The following OLFM3 variants were observed in gnomAD, a reference collection of about 807,000 sequenced individuals.
OLFM3 encodes olfactomedin 3, also known as noelin-3.
A neutral mutation model predicts 48.6 loss-of-function variants in OLFM3; 20 were observed. That is an observed-to-expected ratio of 0.41 (90% confidence interval 0.29 to 0.60). The LOEUF (loss-of-function observed/expected upper bound fraction) is 0.60. Ranked by LOEUF, OLFM3 falls within the 20% of genes least tolerant of loss-of-function variation. OLFM3 has a pLI of 0.28. For missense variants in OLFM3, 437 were observed against 544.3 expected (o/e 0.80, Z 1.96); for synonymous variants, 222 against 198.1 (o/e 1.12, Z -1.01).
intron 1 of OLFM3, among the ~76,000 whole-genome samples, chr1:101,953,198 A>C (rs1019734012): frequency 6.6e-6 from 1 of 152,152 alleles, no homozygotes; most frequent in African/African-American, 2.4e-5. Context: ...TATTGTGACT[A>C]CTAGAATATG....
rs905525822 is a variant in OLFM3 at position 101,837,682 on chromosome 1, G to T, written c.70-657C>A. On this transcript the variant is annotated intron_variant, in intron 1 of 5. Coordinates refer to ENST00000370103, the MANE Select transcript of OLFM3 (RefSeq NM_058170.4). ...TACCTTCTTAGAACTCAAGTGTGAA[G>T]GGGTGGTATTCCAGTTCTACTGTAG... 2.6e-5 allele frequency: 4 copies of T among 152,196 alleles called. No homozygotes were observed. The East Asian group carries it at 7.7e-4, about 29-fold the overall frequency. 9.4% of individuals were successfully genotyped at this position (152,196 alleles called of 1,614,324 possible). A position where few individuals can be genotyped will look rare whatever the true frequency, so the allele number is the denominator to read the frequency against.
intron 1 of OLFM3, among the ~76,000 whole-genome samples, chr1:101,918,749 C>CCT: frequency 6.6e-6 from 1 of 152,182 alleles, no homozygotes; most frequent in South Asian, 2.1e-4. Context: ...TTAGAGGTGG[C>CCT]ATTCTTCTGC....
intron 1 of OLFM3, among the ~76,000 whole-genome samples, chr1:101,950,411 T>A (rs1181955767): frequency 1.3e-5 from 2 of 151,876 alleles, no homozygotes; most frequent in African/African-American, 4.8e-5. Flanking sequence ...ACCACACCCA[T>A]ATTACTAGTA....
intron 1 of OLFM3, among the ~76,000 whole-genome samples, chr1:101,861,669 T>C (rs1656662778): frequency 6.6e-6 from 1 of 152,230 alleles, no homozygotes; most frequent in Non-Finnish European, 1.5e-5. Flanking sequence ...TTTTGAAGCT[T>C]CAACATTCTC....
rs949837118 is a variant in OLFM3, at chr1:101,948,867, T to G, written c.69+47881A>C. ...TATGTATTTTTATATATTATATATT[T>G]ATATATTTTTTATTGTTATAGATAT... On this transcript the variant is annotated intron_variant, in intron 1 of 5. Coordinates refer to ENST00000370103, the MANE Select transcript of OLFM3 (RefSeq NM_058170.4). Among the ~76,000 whole-genome samples, 6 of 147,730 alleles carry G rather than the reference T, an allele frequency of 4.1e-5. 1 individual carries two copies. The highest frequency in any genetic ancestry group is 1.5e-4 in the African/African-American group (6 of 40,940).
chr1:101,952,877 G>T (rs1660185427), intron 1 of OLFM3, among the ~76,000 whole-genome samples: 1 of 152,064 alleles, frequency 6.6e-6, no homozygotes, highest in African/African-American at 2.4e-5. Context: ...CTACTCTCAT[G>T]ATCTCATTCA....
chr1:101,947,100 T>C (rs1659986410), intron 1 of OLFM3, among the ~76,000 whole-genome samples: 1 of 152,232 alleles, frequency 6.6e-6, no homozygotes, highest in South Asian at 2.1e-4. Flanking sequence ...TTATTTGCTA[T>C]ACTTTCCTAA....
Position 101,918,698 on chromosome 1 carries a change from A to T in OLFM3, c.69+78050T>A, listed in dbSNP as rs545229784. Among the ~76,000 whole-genome samples the T allele has an allele frequency of 2.0e-5, 3 of 152,136 alleles. No individual in the cohort carries two copies. The East Asian group carries it at 5.8e-4, about 29-fold the overall frequency. ...TTTTTTTGTCCATGTAAAATAACAT[A>T]TTCACGGGTTCTGGGGATTTGAATG... On this transcript the variant is annotated intron_variant, in intron 1 of 5. Coordinates refer to ENST00000370103, the MANE Select transcript of OLFM3 (RefSeq NM_058170.4).
chr1:101,944,867 G>A (rs997187892), intron 1 of OLFM3, among the ~76,000 whole-genome samples: 12 of 118,666 alleles, frequency 1.0e-4, no homozygotes, highest in African/African-American at 3.8e-4. Context: ...GCGACAGAGT[G>A]AGACTCCACC....
At chr1:101,813,429 A>G (rs189167172) in intron 4 of OLFM3, among the ~76,000 whole-genome samples, 1 of 152,302 alleles carries the variant, frequency 6.6e-6, no homozygotes, top group Admixed American at 6.5e-5. Context: ...TTCCATGTTT[A>G]GTGTTTATAA....
intron 1 of OLFM3, among the ~76,000 whole-genome samples, chr1:101,977,889 G>C (rs968029838): frequency 2.0e-5 from 3 of 152,106 alleles, no homozygotes; most frequent in East Asian, 1.9e-4. Context: ...GGAACAGGTA[G>C]AGAGTTTATG....
intron 1 of OLFM3, among the ~76,000 whole-genome samples, chr1:101,934,279 GC>G (rs1017013476): frequency 2.8e-4 from 43 of 152,176 alleles, no homozygotes; most frequent in African/African-American, 1.0e-3. Flanking sequence ...AATCTACAAA[GC>G]TAATTAAAAA....
In OLFM3 at chr1:101,803,888, T is replaced by TA. The variant is rs928084814; in HGVS notation, c.*349dup. On this transcript the variant is annotated 3_prime_UTR_variant, in exon 6 of 6. Transcript: ENST00000370103. ...AAAAGACAGTAAAAAATGACAGTTTTAAAAAAAAAGACATTCGTGCATTTA... is the reference window on the plus strand; with the variant it reads ...AAAAGACAGTAAAAAATGACAGTTTTAAAAAAAAAAGACATTCGTGCATTTA... The TA allele has an allele frequency of 1.7e-4, 28 of 160,090 alleles. No individual in the cohort carries two copies. In the East Asian group the frequency reaches 2.3e-3, roughly 13 times the overall value. The allele number at this position is 160,090 out of a possible 1,614,324, so 9.9% of individuals were successfully genotyped here. A position where few individuals can be genotyped will look rare whatever the true frequency, so the allele number is the denominator to read the frequency against.
chr1:101,939,847 T>C (rs542775827), intron 1 of OLFM3, among the ~76,000 whole-genome samples: 2 of 152,296 alleles, frequency 1.3e-5, no homozygotes, highest in East Asian at 3.9e-4. Flanking sequence ...TTACATTGTT[T>C]TTAGGGTATT....
At chr1:101,815,482 G>A (rs566807384) in intron 4 of OLFM3, among the ~76,000 whole-genome samples, 1 of 151,116 alleles carries the variant, frequency 6.6e-6, no homozygotes, top group South Asian at 2.1e-4. Context: ...TTATCAGGCT[G>A]ATTTAGGTGA....
At chr1:101,817,217 A>T (rs985330319) in intron 4 of OLFM3, among the ~76,000 whole-genome samples, 1 of 152,106 alleles carries the variant, frequency 6.6e-6, no homozygotes, top group African/African-American at 2.4e-5. Context: ...AGAGAGGATA[A>T]TTTTCCCAAA....
At chr1:101,821,774 C>A (rs142286604) in intron 4 of OLFM3, among the ~76,000 whole-genome samples, 1 of 151,938 alleles carries the variant, frequency 6.6e-6, no homozygotes, top group Non-Finnish European at 1.5e-5. Flanking sequence ...AAAGTCATCT[C>A]GATTAACTTA....
intron 1 of OLFM3, among the ~76,000 whole-genome samples, chr1:101,987,265 C>T (rs1321599870): frequency 1.3e-5 from 2 of 152,166 alleles, no homozygotes; most frequent in African/African-American, 2.4e-5. Context: ...ATCTCTTCAG[C>T]GTAAGCTTCG....
intron 2 of OLFM3, among the ~76,000 whole-genome samples, chr1:101,834,203 C>A (rs1655294784): frequency 6.6e-6 from 1 of 152,112 alleles, no homozygotes; most frequent in Admixed American, 6.5e-5. Context: ...TGAGAAAATG[C>A]AAACGGATCT....
Sources: gnomAD v4.1 joint callset for allele counts (sites outside exome capture counted in the v4.1 genomes callset) on GRCh38, gnomAD v4.1.1 for gene constraint, MANE v1.5 for transcripts, NCBI Gene and HGNC (gene_info 2026-07-23, HGNC 2026-07-21) for gene names.